CHRM3: variants seen among roughly 807,000 people sequenced by gnomAD.
CHRM3 encodes the protein cholinergic receptor muscarinic 3.
In CHRM3, 11 loss-of-function variants were observed where a neutral mutation model predicts 41.8. The observed-to-expected ratio is 0.26, with a 90% CI of 0.17 to 0.44. CHRM3 has a LOEUF of 0.44. Ranked by LOEUF, CHRM3 falls within the 20% of genes least tolerant of loss-of-function variation. The pLI, the probability that CHRM3 is intolerant of heterozygous loss-of-function variation, is 1.00. For missense variants in CHRM3, 571 were observed against 745.4 expected, an observed-to-expected ratio of 0.77 and a Z score of 2.72; for synonymous variants, 297 against 301.4, an observed-to-expected ratio of 0.99 and a Z score of 0.15.
At chr1:239,874,289 A>ATATATATATATATATATATATATACACAG (rs2149336386) in intron 6 of CHRM3, among the ~76,000 whole-genome samples, 1 of 66,854 alleles carries the variant, frequency 1.5e-5, no homozygotes, top group Non-Finnish European at 2.8e-5. Flanking sequence ...TACACAGTAT[A>ATATATATATATATATATATATATACACAG]TATATATATA....
At chr1:239,391,113 G>A (rs956249541) in intron 1 of CHRM3, among the ~76,000 whole-genome samples, 3 of 152,192 alleles carry the variant, frequency 2.0e-5, no homozygotes, top group Non-Finnish European at 2.9e-5. Flanking sequence ...TCTCCAGCCT[G>A]TACGAGAGTC....
At chr1:239,805,403 A>T (rs1670554125) in intron 5 of CHRM3, among the ~76,000 whole-genome samples, 1 of 152,210 alleles carries the variant, frequency 6.6e-6, no homozygotes, top group Non-Finnish European at 1.5e-5. Context: ...CTTTGACTGC[A>T]GGTCTATCAG....
chr1:239,601,186 A>G (rs955237329), intron 3 of CHRM3, among the ~76,000 whole-genome samples: 1 of 152,180 alleles, frequency 6.6e-6, no homozygotes, highest in Non-Finnish European at 1.5e-5. Context: ...AGCCAGTTCC[A>G]TTCTCAAATC....
At chr1:239,488,913 A>G (rs1396382287) in intron 1 of CHRM3, among the ~76,000 whole-genome samples, 3 of 152,082 alleles carry the variant, frequency 2.0e-5, no homozygotes, top group African/African-American at 7.2e-5. Flanking sequence ...TTGAGAAACT[A>G]ATGTCAGTAG....
intron 5 of CHRM3, among the ~76,000 whole-genome samples, chr1:239,762,501 T>G (rs900339623): frequency 1.3e-5 from 2 of 152,220 alleles, no homozygotes; most frequent in African/African-American, 2.4e-5. Flanking sequence ...TCCAAGGGTA[T>G]TTATAACATG....
chr1:239,520,662 A>G (rs1305694246), intron 2 of CHRM3, among the ~76,000 whole-genome samples: 1 of 152,164 alleles, frequency 6.6e-6, no homozygotes, highest in African/African-American at 2.4e-5. Context: ...GCAATGCAGG[A>G]ACAGCCCAAT....
At chr1:239,412,950 C>T (rs1286551672) in intron 1 of CHRM3, among the ~76,000 whole-genome samples, 2 of 151,676 alleles carry the variant, frequency 1.3e-5, no homozygotes, top group Non-Finnish European at 2.9e-5. Flanking sequence ...TGGTGGCGCA[C>T]ATCTATAATC....
At chr1:239,622,122 A>G (rs1441453787) in intron 3 of CHRM3, among the ~76,000 whole-genome samples, 1 of 152,184 alleles carries the variant, frequency 6.6e-6, no homozygotes, top group Non-Finnish European at 1.5e-5. Flanking sequence ...ACAGCCTGAT[A>G]TACTGAATAT....
chr1:239,508,651 C>T (rs20437), intron 2 of CHRM3, among the ~76,000 whole-genome samples: 4,219 of 152,234 alleles, frequency 0.028, 86 homozygotes, highest in Non-Finnish European at 0.043. Flanking sequence ...TACGTTCTTA[C>T]GAAATCAGCC....
chr1:239,880,053 A>G (rs529616019), intron 6 of CHRM3, among the ~76,000 whole-genome samples: 6 of 152,314 alleles, frequency 3.9e-5, no homozygotes, highest in African/African-American at 1.4e-4. Flanking sequence ...GCAGCAAAGC[A>G]AGAAGACAGG....
chr1:239,601,375 G>A (rs1293919560), intron 3 of CHRM3, among the ~76,000 whole-genome samples: 1 of 152,094 alleles, frequency 6.6e-6, no homozygotes, highest in Non-Finnish European at 1.5e-5. Context: ...TGATGGAAGT[G>A]GTTTTTAAGC....
chr1:239,741,178 G>A (rs188688773), intron 5 of CHRM3, among the ~76,000 whole-genome samples: 1 of 152,270 alleles, frequency 6.6e-6, no homozygotes, highest in Admixed American at 6.5e-5. Context: ...CAGAAGAGGA[G>A]ATTCAAAGCA....
intron 2 of CHRM3, among the ~76,000 whole-genome samples, chr1:239,525,931 CA>C (rs1352968310): frequency 6.6e-6 from 1 of 152,188 alleles, no homozygotes; most frequent in Non-Finnish European, 1.5e-5. Flanking sequence ...CCAGTTAAAT[CA>C]GAGTCCTGGG....
At chr1:239,469,983 C>T (rs1046178641) in intron 1 of CHRM3, among the ~76,000 whole-genome samples, 48 of 152,240 alleles carry the variant, frequency 3.2e-4, no homozygotes, top group African/African-American at 1.0e-3. Flanking sequence ...AAGTTTGTGT[C>T]ACGTTCACAT....
chr1:239,490,700 C>T (rs919318077), intron 1 of CHRM3, among the ~76,000 whole-genome samples: 6 of 151,756 alleles, frequency 4.0e-5, no homozygotes, highest in African/African-American at 1.5e-4. Flanking sequence ...TAGCTGGGAC[C>T]CCAGGCATGT....
chr1:239,601,069 A>G (rs1665471805), intron 3 of CHRM3, among the ~76,000 whole-genome samples: 1 of 152,232 alleles, frequency 6.6e-6, no homozygotes, highest in Non-Finnish European at 1.5e-5. Context: ...TATTATTTGT[A>G]GGAATCCAGT....
chr1:239,408,579 G>A (rs1660822679), intron 1 of CHRM3, among the ~76,000 whole-genome samples: 1 of 150,046 alleles, frequency 6.7e-6, no homozygotes, highest in Admixed American at 6.6e-5. Context: ...TCTTGGGTAT[G>A]TCCTTATAGC....
chr1:239,546,382 G>A (rs1051607114), intron 3 of CHRM3: 4 of 152,082 alleles, frequency 2.6e-5, no homozygotes, highest in African/African-American at 7.2e-5. Flanking sequence ...GGTCAACAGA[G>A]GTAACGGATG....
At chr1:239,427,721 G>A (rs1395823688) in intron 1 of CHRM3, among the ~76,000 whole-genome samples, 1 of 151,908 alleles carries the variant, frequency 6.6e-6, no homozygotes, top group Non-Finnish European at 1.5e-5. Flanking sequence ...AGGAGACTGA[G>A]ACAAGATGGA....
Sources: allele counts gnomAD v4.1 joint callset (sites outside exome capture counted in the v4.1 genomes callset), GRCh38; gene constraint gnomAD v4.1.1; transcripts MANE v1.5; gene names NCBI Gene and HGNC (gene_info 2026-07-23, HGNC 2026-07-21).